The following ITPR2 variants were observed in gnomAD, a reference collection of about 807,000 sequenced individuals.
The protein encoded by ITPR2 is inositol 1,4,5-trisphosphate receptor type 2, also known as inositol 1,4,5-trisphosphate-gated calcium channel ITPR2.
ITPR2 carries 207 observed loss-of-function variants against 317.1 expected under a neutral mutation model. The observed-to-expected ratio is 0.65, with a 90% CI of 0.58 to 0.73. ITPR2 has a LOEUF of 0.73. Ranked by LOEUF, ITPR2 falls within the 30% of genes least tolerant of loss-of-function variation. The pLI, the probability that ITPR2 is intolerant of heterozygous loss-of-function variation, is 0.00. For missense variants in ITPR2, 2,613 were observed against 3,284.0 expected (o/e 0.80, Z 4.99); for synonymous variants, 1,156 against 1,149.1 (o/e 1.01, Z -0.12).
intron 1 of ITPR2, among the ~76,000 whole-genome samples, chr12:26,790,698 G>A (rs1950327647): frequency 6.9e-6 from 1 of 145,922 alleles, no homozygotes. Context: ...TTATTTTCCT[G>A]TCTTTTATTT....
At chr12:26,816,777 T>C (rs932909296) in intron 1 of ITPR2, among the ~76,000 whole-genome samples, 3 of 152,040 alleles carry the variant, frequency 2.0e-5, no homozygotes, top group Non-Finnish European at 2.9e-5. Flanking sequence ...CAGTTCACTA[T>C]AGATGAGTCA....
intron 37 of ITPR2, among the ~76,000 whole-genome samples, chr12:26,544,603 CAG>C (rs978548911): frequency 4.1e-5 from 3 of 74,060 alleles, no homozygotes; most frequent in Non-Finnish European, 8.5e-5. Context: ...CAGAGACACA[CAG>C]ACACACACAC....
intron 49 of ITPR2, among the ~76,000 whole-genome samples, chr12:26,424,997 G>T (rs1941012910): frequency 6.6e-6 from 1 of 152,008 alleles, no homozygotes; most frequent in Admixed American, 6.6e-5. Context: ...CTGATCTAGT[G>T]TGATCCGCCC....
At chr12:26,830,924 C>T (rs1403962696) in intron 1 of ITPR2, among the ~76,000 whole-genome samples, 1 of 152,154 alleles carries the variant, frequency 6.6e-6, no homozygotes, top group African/African-American at 2.4e-5. Flanking sequence ...AGAAACCATG[C>T]CTATTCCCAT....
At chr12:26,380,034 C>T (rs567062878) in intron 55 of ITPR2, among the ~76,000 whole-genome samples, 187 of 152,288 alleles carry the variant, frequency 1.2e-3, no homozygotes, top group African/African-American at 4.3e-3. Context: ...CAGTGTCTTA[C>T]CTGCCTTCCC....
intron 2 of ITPR2, among the ~76,000 whole-genome samples, chr12:26,758,534 T>C (rs1449569): frequency 0.16 from 24,551 of 152,258 alleles, 2,748 homozygotes; most frequent in Non-Finnish European, 0.24. Context: ...ATTCCAACTT[T>C]ATAATGTTAC....
intron 21 of ITPR2, among the ~76,000 whole-genome samples, chr12:26,653,454 A>T (rs975663674): frequency 1.3e-5 from 2 of 151,934 alleles, no homozygotes; most frequent in Admixed American, 6.6e-5. Flanking sequence ...GTTGGCCAGG[A>T]TGGTCTCGAT....
intron 2 of ITPR2, among the ~76,000 whole-genome samples, chr12:26,774,569 G>C (rs1375631964): frequency 1.3e-5 from 2 of 152,156 alleles, no homozygotes; most frequent in African/African-American, 4.8e-5. Flanking sequence ...CACTGTGTTT[G>C]ATCTTGGTGA....
intron 55 of ITPR2, among the ~76,000 whole-genome samples, chr12:26,376,741 CTCTT>C (rs1192164570): frequency 2.7e-5 from 4 of 148,712 alleles, no homozygotes; most frequent in African/African-American, 7.5e-5. Flanking sequence ...CTCTTTCTCT[CTCTT>C]TCTTTCTTTT....
intron 35 of ITPR2, among the ~76,000 whole-genome samples, 191 bp from the exon 36 acceptor site, chr12:26,556,566 T>TG (rs1555155169): frequency 0.016 from 2,164 of 136,190 alleles, 30 homozygotes; most frequent in African/African-American, 0.039. Flanking sequence ...ATTTTTTTTT[T>TG]TGTGTGTGTG....
chr12:26,691,377 G>A (rs1231223535), intron 10 of ITPR2, among the ~76,000 whole-genome samples: 2 of 151,978 alleles, frequency 1.3e-5, no homozygotes, highest in Non-Finnish European at 2.9e-5. Flanking sequence ...GAAGCGCAAC[G>A]CCCTCTCTCT....
chr12:26,632,422 T>C (rs1226807753), intron 21 of ITPR2, among the ~76,000 whole-genome samples: 2 of 152,226 alleles, frequency 1.3e-5, no homozygotes, highest in African/African-American at 4.8e-5. Flanking sequence ...AGAAGATTAC[T>C]AATCGCCAAG....
intron 26 of ITPR2, among the ~76,000 whole-genome samples, chr12:26,607,910 C>G (rs1285904372): frequency 6.6e-6 from 1 of 151,968 alleles, no homozygotes; most frequent in African/African-American, 2.4e-5. Context: ...GAAACCCTGT[C>G]TCTACTAAAA....
intron 26 of ITPR2, among the ~76,000 whole-genome samples, chr12:26,616,955 A>G (rs1202427142): frequency 6.6e-6 from 1 of 152,200 alleles, no homozygotes; most frequent in Non-Finnish European, 1.5e-5. Flanking sequence ...TCTTTTCTCT[A>G]GCTTATTTTA....
rs757617644 is a variant in ITPR2, at chr12:26,831,039, T to C, written c.92+1651A>G. On this transcript the variant is annotated intron_variant, in intron 1 of 56. Coordinates refer to ENST00000381340, the MANE Select transcript of ITPR2 (RefSeq NM_002223.4). The surrounding 1 kb of genome is among the most constrained non-coding windows in gnomAD (Gnocchi z 4.9). ...ATTCAAACCCCAAGTATTCTGTCCA[T>C]GGAACCCCCTCTGCTTAACTACTAC... Among the ~76,000 whole-genome samples, 9 of 152,178 alleles carry C rather than the reference T, an allele frequency of 5.9e-5. No homozygotes were observed. The highest frequency in any genetic ancestry group is 1.2e-4 in the Non-Finnish European group (8 of 68,034).
At chr12:26,370,256 G>A (rs774365531) in intron 55 of ITPR2, among the ~76,000 whole-genome samples, 6 of 152,118 alleles carry the variant, frequency 3.9e-5, no homozygotes, top group African/African-American at 7.2e-5. Context: ...ATGAAGTAAG[G>A]GCATCTTTTT....
intron 20 of ITPR2, among the ~76,000 whole-genome samples, chr12:26,654,782 A>G (rs1200791686): frequency 6.6e-6 from 1 of 152,230 alleles, no homozygotes; most frequent in African/African-American, 2.4e-5. Flanking sequence ...AAAGGCCCAC[A>G]TGGCAGGAAG....
At chr12:26,801,079 TGG>T (rs1950548561) in intron 1 of ITPR2, 1 of 195,914 alleles carries the variant, frequency 5.1e-6, no homozygotes, top group African/African-American at 2.4e-5. Flanking sequence ...AATCATGCTG[TGG>T]CCTAAAACGA....
intron 55 of ITPR2, among the ~76,000 whole-genome samples, chr12:26,369,509 G>A (rs1939119406): frequency 6.6e-6 from 1 of 152,146 alleles, no homozygotes; most frequent in African/African-American, 2.4e-5. Context: ...GAGGGATAGA[G>A]GAATGAGAAG....
Sources: gnomAD v4.1 joint callset for allele counts (sites outside exome capture counted in the v4.1 genomes callset) on GRCh38, gnomAD v4.1.1 for gene constraint, Gnocchi (gnomAD v3.1) non-coding constraint, MANE v1.5 for transcripts, NCBI Gene and HGNC (gene_info 2026-07-23, HGNC 2026-07-21) for gene names.